NRG3: variants seen among roughly 807,000 people sequenced by gnomAD.
NRG3 encodes neuregulin 3, also known as pro-neuregulin-3, membrane-bound isoform.
In NRG3, 31 loss-of-function variants were observed where a neutral mutation model predicts 66.9. That is an observed-to-expected ratio of 0.46 (90% CI 0.35 to 0.63). The LOEUF is 0.63. NRG3 is among the 20% of genes least tolerant of loss of function. The pLI, the probability that NRG3 is intolerant of heterozygous loss-of-function variation, is 0.00. For synonymous variants in NRG3, 393 were observed against 359.4 expected (o/e 1.09, Z -1.06); for missense variants, 910 against 878.9 (o/e 1.04, Z -0.45).
At chr10:82,681,015 C>T (rs998820513) in intron 2 of NRG3, among the ~76,000 whole-genome samples, 6 of 152,168 alleles carry the variant, frequency 3.9e-5, no homozygotes, top group Non-Finnish European at 7.3e-5. Context: ...TCTCTAGAGC[C>T]TTGAAGCCCA....
intron 2 of NRG3, among the ~76,000 whole-genome samples, chr10:82,387,273 TC>T (rs1163461161): frequency 3.4e-5 from 4 of 118,228 alleles, no homozygotes; most frequent in African/African-American, 2.1e-4. Context: ...CATAAAACAC[TC>T]AAAATATATA....
chr10:82,090,849 A>G (rs2065987010), intron 1 of NRG3, among the ~76,000 whole-genome samples: 1 of 152,220 alleles, frequency 6.6e-6, no homozygotes, highest in Admixed American at 6.5e-5. Flanking sequence ...TTAAGTATTC[A>G]TGAATTTTGT....
chr10:82,682,410 T>TAGAC (rs1455533052), intron 2 of NRG3, among the ~76,000 whole-genome samples: 1 of 151,652 alleles, frequency 6.6e-6, no homozygotes, highest in South Asian at 2.1e-4. Flanking sequence ...GATAGATAGA[T>TAGAC]AGATAGATAG....
chr10:82,125,263 G>A (rs555019986), intron 1 of NRG3, among the ~76,000 whole-genome samples: 1 of 151,602 alleles, frequency 6.6e-6, no homozygotes, highest in African/African-American at 2.4e-5. Context: ...GTGTGTTTAT[G>A]TGTGTGTGTG....
intron 1 of NRG3, among the ~76,000 whole-genome samples, chr10:82,344,694 T>C (rs1413989922): frequency 8.1e-6 from 1 of 123,942 alleles, no homozygotes; most frequent in Admixed American, 7.7e-5. Context: ...TGTAAAAGTG[T>C]TCCTATTTCT....
At chr10:82,766,489 G>A (rs1415563888) in intron 3 of NRG3, among the ~76,000 whole-genome samples, 1 of 152,146 alleles carries the variant, frequency 6.6e-6, no homozygotes, top group African/African-American at 2.4e-5. Flanking sequence ...TCTAGTTTAA[G>A]GATAAGGATC....
At chr10:82,139,874 C>A (rs1437156576) in intron 1 of NRG3, among the ~76,000 whole-genome samples, 1 of 150,398 alleles carries the variant, frequency 6.6e-6, no homozygotes, top group African/African-American at 2.5e-5. Context: ...ACTATCAGAA[C>A]AATATTTCAT....
At chr10:82,850,977 AG>A (rs1379796544) in intron 3 of NRG3, among the ~76,000 whole-genome samples, 1 of 152,124 alleles carries the variant, frequency 6.6e-6, no homozygotes, top group Non-Finnish European at 1.5e-5. Context: ...TTTTTTTACA[AG>A]TTGAGGAAAT....
At chr10:82,127,009 A>G (rs1044212187) in intron 1 of NRG3, among the ~76,000 whole-genome samples, 5 of 152,066 alleles carry the variant, frequency 3.3e-5, no homozygotes, top group Non-Finnish European at 7.4e-5. Context: ...TCTCATGACT[A>G]TGGTGAGAAA....
intron 1 of NRG3, among the ~76,000 whole-genome samples, chr10:82,180,136 G>T (rs1046361506): frequency 2.0e-5 from 3 of 151,044 alleles, no homozygotes; most frequent in Non-Finnish European, 3.0e-5. Context: ...ACAGGTTTTT[G>T]TGTGTGTGTG....
At chr10:81,940,544 A>G (rs1848318995) in intron 1 of NRG3, among the ~76,000 whole-genome samples, 1 of 151,394 alleles carries the variant, frequency 6.6e-6, no homozygotes, top group Admixed American at 6.6e-5. Flanking sequence ...TTTTGAGGAG[A>G]TGGGGGTCTC....
chr10:82,825,704 C>T (rs966997550), intron 3 of NRG3, among the ~76,000 whole-genome samples: 4 of 152,104 alleles, frequency 2.6e-5, no homozygotes, highest in Non-Finnish European at 4.4e-5. Flanking sequence ...AACTTATTAT[C>T]GGATGAAGTT....
intron 1 of NRG3, among the ~76,000 whole-genome samples, chr10:82,179,197 T>A (rs2073244837): frequency 6.6e-6 from 1 of 152,050 alleles, no homozygotes; most frequent in Non-Finnish European, 1.5e-5. Context: ...TTGTGTAGGT[T>A]ACCTTTTCAC....
chr10:82,641,005 C>T (rs2050536313), intron 2 of NRG3, among the ~76,000 whole-genome samples: 2 of 119,042 alleles, frequency 1.7e-5, no homozygotes, highest in African/African-American at 3.3e-5. Flanking sequence ...ATTTTTCAGT[C>T]TGTCGTTTTT....
intron 3 of NRG3, among the ~76,000 whole-genome samples, chr10:82,843,802 G>A (rs1047754395): frequency 6.6e-6 from 1 of 152,136 alleles, no homozygotes; most frequent in South Asian, 2.1e-4. Context: ...TGAGCAGCGA[G>A]ATGCAAGGGA....
chr10:81,913,092 G>A (rs868524026), intron 1 of NRG3, among the ~76,000 whole-genome samples: 2 of 148,628 alleles, frequency 1.3e-5, no homozygotes, highest in Non-Finnish European at 3.0e-5. Context: ...GGGAAAAAAA[G>A]TCAGATTATA....
At chr10:82,255,538 T>A (rs895710848) in intron 1 of NRG3, among the ~76,000 whole-genome samples, 9 of 152,218 alleles carry the variant, frequency 5.9e-5, no homozygotes, top group Admixed American at 5.2e-4. Context: ...GTGTGGAGTA[T>A]GAGGAAAACT....
At chr10:82,984,775 T>C in intron 8 of NRG3, 3 of 1,551,852 alleles carry the variant, frequency 1.9e-6, no homozygotes, top group Non-Finnish European at 2.6e-6. Flanking sequence ...ATTTACTTTG[T>C]ATTCTAGGAT....
At chr10:82,201,445 C>T (rs766534332) in intron 1 of NRG3, among the ~76,000 whole-genome samples, 7 of 152,056 alleles carry the variant, frequency 4.6e-5, no homozygotes, top group Non-Finnish European at 1.0e-4. Flanking sequence ...GTCTCCCTTA[C>T]GGTGCTTTAG....
Sources: gnomAD v4.1 joint callset for allele counts (sites outside exome capture counted in the v4.1 genomes callset) on GRCh38, gnomAD v4.1.1 for gene constraint, MANE v1.5 for transcripts, NCBI Gene and HGNC (gene_info 2026-07-23, HGNC 2026-07-21) for gene names.